Variants in STK32A observed in about 807,000 individuals in gnomAD.
STK32A encodes the protein serine/threonine-protein kinase 32A.
Under a neutral mutation model 53.2 loss-of-function variants are expected in STK32A, and 41 were observed. That is an observed-to-expected ratio of 0.77 (90% CI 0.60 to 1.00). STK32A has a LOEUF of 1.00. STK32A is among the 50% of genes least tolerant of loss of function. The pLI is 0.00. For missense variants in STK32A, 458 were observed against 485.8 expected, an observed-to-expected ratio of 0.94 and a Z score of 0.54; for synonymous variants, 166 against 162.8, an observed-to-expected ratio of 1.02 and a Z score of -0.15.
chr5:147,317,570 C>T (rs1172175748), intron 4 of STK32A, among the ~76,000 whole-genome samples: 1 of 151,984 alleles, frequency 6.6e-6, no homozygotes, highest in African/African-American at 2.4e-5. Context: ...CGTGATCCAC[C>T]CGCTTCAGCC....
intron 2 of STK32A, among the ~76,000 whole-genome samples, chr5:147,272,216 A>G (rs1291035904): frequency 1.3e-5 from 2 of 152,134 alleles, no homozygotes; most frequent in African/African-American, 2.4e-5. Flanking sequence ...AGCTGGGATT[A>G]TAGGCGCACA....
intron 4 of STK32A, among the ~76,000 whole-genome samples, chr5:147,293,509 T>C: frequency 7.2e-6 from 1 of 138,412 alleles, no homozygotes; most frequent in Middle Eastern, 3.9e-3. Context: ...AAAAAAGGAC[T>C]AAATTTTAAT....
At chr5:147,237,804 T>C (rs1387597975) in intron 1 of STK32A, among the ~76,000 whole-genome samples, 1 of 152,228 alleles carries the variant, frequency 6.6e-6, no homozygotes, top group Non-Finnish European at 1.5e-5. Context: ...AAGGGTTTAC[T>C]TACATTTTCC....
intron 4 of STK32A, among the ~76,000 whole-genome samples, chr5:147,296,022 T>C (rs1379915889): frequency 3.9e-5 from 6 of 152,206 alleles, no homozygotes; most frequent in Non-Finnish European, 8.8e-5. Flanking sequence ...CTCCCTCTCC[T>C]CCAGGTGCAC....
Position 147,279,510 on chromosome 5 carries a change from C to G in STK32A, c.260+112C>G, listed in dbSNP as rs1751943691. ...CCCTGGCTGGTATCCAGGCTCTTGA[C>G]ACAATTGCAAGAAAGAGTTCAAGGA... On this transcript the variant is annotated intron_variant, in intron 4 of 12. Coordinates refer to ENST00000397936, the MANE Select transcript of STK32A (RefSeq NM_001112724.2). 3.3e-6 allele frequency: 3 copies of G among 908,058 alleles called. No individual in the cohort carries two copies. In the South Asian group the frequency reaches 5.9e-5, roughly 18 times the overall value. 56.3% of individuals were successfully genotyped at this position (908,058 alleles called of 1,614,324 possible).
At chr5:147,367,283 C>T (rs531598999) in intron 8 of STK32A, among the ~76,000 whole-genome samples, 2 of 152,226 alleles carry the variant, frequency 1.3e-5, no homozygotes, top group South Asian at 4.1e-4. Flanking sequence ...CCAGGCTAGT[C>T]TTGAACTCCT....
intron 11 of STK32A, among the ~76,000 whole-genome samples, chr5:147,381,009 T>G (rs922321829): frequency 1.1e-4 from 17 of 152,326 alleles, no homozygotes; most frequent in African/African-American, 3.8e-4. Context: ...GAGCTTTATT[T>G]CTCCGTATAG....
At chr5:147,348,203 GA>G (rs1235176991) in intron 6 of STK32A, among the ~76,000 whole-genome samples, 9 of 152,118 alleles carry the variant, frequency 5.9e-5, no homozygotes, top group African/African-American at 2.2e-4. Flanking sequence ...TAGGCTAAAG[GA>G]GAAATTTTGT....
chr5:147,374,923 T>C (rs1757166878), intron 10 of STK32A, among the ~76,000 whole-genome samples, 167 bp from the exon 11 acceptor site: 2 of 152,208 alleles, frequency 1.3e-5, no homozygotes, highest in Admixed American at 1.3e-4. Context: ...ACGAAGAATA[T>C]GAAAAACGAT....
At chr5:147,261,348 A>G (rs1229860391) in intron 2 of STK32A, among the ~76,000 whole-genome samples, 2 of 152,180 alleles carry the variant, frequency 1.3e-5, no homozygotes, top group Admixed American at 1.3e-4. Flanking sequence ...AGGGAGGGGA[A>G]GGGGTTCTTA....
chr5:147,400,351 C>A, the STK32A span, among the ~76,000 whole-genome samples: 1 of 152,190 alleles, frequency 6.6e-6, no homozygotes, highest in Non-Finnish European at 1.5e-5. Flanking sequence ...ATATCCAGTT[C>A]TTTCAAAAGA....
At chr5:147,260,631 C>T (rs1352411497) in intron 2 of STK32A, among the ~76,000 whole-genome samples, 5 of 152,046 alleles carry the variant, frequency 3.3e-5, no homozygotes, top group African/African-American at 1.2e-4. Context: ...GGGTGGCTTG[C>T]CTTGCTGGTC....
chr5:147,373,123 C>G lies in STK32A; in HGVS notation c.778-46C>G, dbSNP rs140822037. Reference sequence around the variant, plus strand: ...GGGAATTTGTATGATTTTTTTTTGTCCTTCTATCCTTTCTTATGGCCTTGA... The same window carrying G: ...GGGAATTTGTATGATTTTTTTTTGTGCTTCTATCCTTTCTTATGGCCTTGA... On this transcript the variant is annotated intron_variant, in intron 9 of 12. Coordinates refer to ENST00000397936, the MANE Select transcript of STK32A (RefSeq NM_001112724.2). 9.7e-3 allele frequency: 15,377 copies of G among 1,583,568 alleles called. 101 individuals carry two copies. Among genetic ancestry groups the G allele is most frequent in the Admixed American group, 0.021 (1,119 of 53,270 alleles).
In STK32A at chr5:147,338,907, T is replaced by C. The variant is rs193053813; in HGVS notation, c.435-4099T>C. Among the ~76,000 whole-genome samples the C allele has an allele frequency of 4.7e-3, 715 of 152,324 alleles. 1 individual carries two copies. Among genetic ancestry groups the C allele is most frequent in the Admixed American group, 8.0e-3 (123 of 15,300 alleles). On this transcript the variant is annotated intron_variant, in intron 5 of 12. Coordinates refer to ENST00000397936, the MANE Select transcript of STK32A (RefSeq NM_001112724.2). ...TAAGTTTTATTCATTCACAAAGATA[T>C]GGTTTGGAATTAGAACTCATGTTTT... is the stretch of plus-strand genomic sequence containing the variant.
rs114857692 is a variant in STK32A, at chr5:147,298,825, G to A, written c.260+19427G>A. The stretch of plus-strand genomic sequence containing the variant: ...ATATAATCTCTAGAGAATAACACAT[G>A]AAACTCCTGTCTTTCAGTAGAGTTT... On this transcript the variant is annotated intron_variant, in intron 4 of 12. Coordinates refer to ENST00000397936, the MANE Select transcript of STK32A (RefSeq NM_001112724.2). Among the ~76,000 whole-genome samples the A allele has an allele frequency of 5.4e-3, 821 of 152,300 alleles. 8 individuals carry two copies. Among genetic ancestry groups the A allele is most frequent in the Middle Eastern group, 0.048 (14 of 294 alleles).
intron 2 of STK32A, among the ~76,000 whole-genome samples, chr5:147,270,510 G>A (rs1401796671): frequency 6.6e-6 from 1 of 152,112 alleles, no homozygotes; most frequent in Non-Finnish European, 1.5e-5. Flanking sequence ...CACTGAGCCT[G>A]GCTTTAAAAG....
At chr5:147,312,559 G>A (rs539507313) in intron 4 of STK32A, among the ~76,000 whole-genome samples, 1 of 152,306 alleles carries the variant, frequency 6.6e-6, no homozygotes, top group East Asian at 1.9e-4. Flanking sequence ...AAGAGTGGGT[G>A]CGATCACTTA....
intron 4 of STK32A, among the ~76,000 whole-genome samples, chr5:147,314,497 TCAAAAAAAACAAAAAAAAACAAAAAAAAA>T (rs1428237678): frequency 3.7e-4 from 8 of 21,886 alleles, no homozygotes; most frequent in Admixed American, 2.3e-3. Context: ...AAACTCCATA[TCAAAAAAAACAAAAAAAAACAAAAAAAAA>T]CAAAAAAAAA....
At chr5:147,345,796 C>G (rs900735969) in intron 6 of STK32A, among the ~76,000 whole-genome samples, 2 of 151,954 alleles carry the variant, frequency 1.3e-5, no homozygotes, top group African/African-American at 4.8e-5. Context: ...TACCTGGTGT[C>G]TTATTTACAA....
Sources: gnomAD v4.1 joint callset for allele counts (sites outside exome capture counted in the v4.1 genomes callset) on GRCh38, gnomAD v4.1.1 for gene constraint, MANE v1.5 for transcripts, NCBI Gene and HGNC (gene_info 2026-07-23, HGNC 2026-07-21) for gene names.